The following RIF1 variants were observed in gnomAD, a reference collection of about 807,000 sequenced individuals.
RIF1 encodes telomere-associated protein RIF1.
RIF1 carries 45 observed loss-of-function variants against 247.1 expected under a neutral mutation model. The observed-to-expected ratio is 0.18, with a 90% CI of 0.14 to 0.23. The LOEUF (loss-of-function observed/expected upper bound fraction) is 0.23, where lower values mean the gene tolerates loss of function less well. Ranked by LOEUF, RIF1 falls within the 10% of genes least tolerant of loss-of-function variation. RIF1 has a pLI of 1.00. For synonymous variants in RIF1, 1,087 were observed against 978.8 expected, an observed-to-expected ratio of 1.11 and a Z score of -2.06; for missense variants, 2,967 against 2,862.5, an observed-to-expected ratio of 1.04 and a Z score of -0.83.
At chr2:151,420,755 AT>A (rs1479173563) in intron 7 of RIF1, among the ~76,000 whole-genome samples, 4 of 147,352 alleles carry the variant, frequency 2.7e-5, no homozygotes, top group African/African-American at 7.4e-5. Context: ...AAAAAAAAAA[AT>A]CTGTCTGGGC....
chr2:151,531,086 C>G, the RIF1 span: 2 of 1,608,902 alleles, frequency 1.2e-6, no homozygotes, highest in Non-Finnish European at 1.7e-6. Flanking sequence ...TTGTTGTATT[C>G]CAATTTATAA....
chr2:151,518,703 C>T, the RIF1 span, among the ~76,000 whole-genome samples: 2 of 152,112 alleles, frequency 1.3e-5, no homozygotes, highest in South Asian at 2.1e-4. Flanking sequence ...TTTCTATGTC[C>T]TTAGAGAAAA....
intron 35 of RIF1, among the ~76,000 whole-genome samples, chr2:151,474,348 A>G (rs2048813027): frequency 6.6e-6 from 1 of 152,180 alleles, no homozygotes; most frequent in East Asian, 1.9e-4. Flanking sequence ...AATTTCTTTA[A>G]TAGCACAGAA....
At position 151,436,874 on chromosome 2, in the gene RIF1, A is replaced by T. The variant is rs773584956; in HGVS notation, c.1243A>T (p.Ser415Cys). Residue 415 changes from serine to cysteine, a missense_variant, in exon 12 of 36, where the codon AGT becomes TGT. This residue lies in a region of RIF1 where 369 missense variants were observed against 322.0 expected (regional missense o/e 1.15). Coordinates refer to ENST00000444746, the MANE Select transcript of RIF1 (RefSeq NM_018151.5). Reference protein sequence around the residue: ...GAPGTPRMNLSSNLGGMATIP... With the variant: ...GAPGTPRMNLCSNLGGMATIP... The stretch of plus-strand genomic sequence containing the variant: ...CCCGGGAACTCCCCGAATGAACCTG[A>T]GTTCGAATTTAGGTGGAATGGCCAC... 2 of 1,612,732 alleles carry T rather than the reference A, an allele frequency of 1.2e-6. No homozygotes were observed. Among genetic ancestry groups the T allele is most frequent in the Non-Finnish European group, 1.7e-6 (2 of 1,179,560 alleles).
intron 23 of RIF1, among the ~76,000 whole-genome samples, chr2:151,457,237 C>G (rs1016503762): frequency 6.6e-6 from 1 of 152,162 alleles, no homozygotes; most frequent in Non-Finnish European, 1.5e-5. Flanking sequence ...ATTCTCCCAC[C>G]ATAGCCTCCC....
At position 151,496,227 on chromosome 2, in the gene RIF1, A is replaced by C. The variant is rs773500715; in HGVS notation, c.*513+901A>C. 3 of 1,456,598 alleles carry C rather than the reference A, an allele frequency of 2.1e-6. No individual in the cohort carries two copies. The African/African-American group carries it at 4.2e-5, about 21-fold the overall frequency. The allele number at this position is 1,456,598 out of a possible 1,614,324, so 90.2% of individuals were successfully genotyped here. ...AATATGTATTATTTTAAATCATAAA[A>C]GTAGTTTTTAAAATCAGTAAGTAGT... On this transcript the variant is annotated intron_variant and NMD_transcript_variant, in intron 10 of 13. Transcript: ENST00000454583.
chr2:151,501,829 A>G (rs2064830075), intron 11 of RIF1, among the ~76,000 whole-genome samples: 1 of 151,970 alleles, frequency 6.6e-6, no homozygotes, highest in African/African-American at 2.4e-5. Flanking sequence ...GGAACCAAAG[A>G]AAGAGGAGAG....
At position 151,465,301 on chromosome 2, in the gene RIF1, T is replaced by A. The variant is rs1480438887; in HGVS notation, c.5781T>A (p.Phe1927Leu). ...MELNVGNEASFHGQERTKTGI... is the reference protein window; with the variant it reads ...MELNVGNEASLHGQERTKTGI... ...TGAATGTAGGAAATGAAGCTAGCTTTCATGGACAAGAGAGAACCAAAACTG... is the reference window on the plus strand; with the variant it reads ...TGAATGTAGGAAATGAAGCTAGCTTACATGGACAAGAGAGAACCAAAACTG... Residue 1927 changes from phenylalanine to leucine, a missense_variant, in exon 30 of 36, where the codon TTT (phenylalanine) becomes TTA (leucine). Phe to Leu is a conservative substitution (Grantham distance 22). Transcript: ENST00000444746. 2.5e-6 allele frequency: 4 copies of A among 1,612,748 alleles called. No individual in the cohort carries two copies. The highest frequency in any genetic ancestry group is 3.4e-6 in the Non-Finnish European group (4 of 1,179,724).
In RIF1 at chr2:151,435,598, T is replaced by C. The variant is rs574218704; in HGVS notation, c.1195+18T>C. ...ACACAAAGGTAAGAGGTAGATATTC[T>C]TGTTTTTTGCTTTTTTAATCAGGCT... On this transcript the variant is annotated intron_variant, in intron 11 of 35. Transcript: ENST00000444746. 2 of 1,418,896 alleles carry C rather than the reference T, an allele frequency of 1.4e-6. No homozygotes were observed. The highest frequency in any genetic ancestry group is 1.2e-5 in the South Asian group (1 of 86,188). 87.9% of individuals were successfully genotyped at this position (1,418,896 alleles called of 1,614,324 possible).
chr2:151,464,047 GAACATT>G lies in RIF1; in HGVS notation c.4530_4535del (p.Asn1510_Ile1511del), dbSNP rs1163108842. 1.2e-6 allele frequency: 2 copies of G among 1,612,298 alleles called. No homozygotes were observed. The highest frequency in any genetic ancestry group is 2.7e-5 in the African/African-American group (2 of 74,652). ...AAAATAAAAAAAAGGCAGACCCTGA[GAACATT>G]AAGTCTGAGGGGGATGGTACCCAGG... On this transcript the variant is annotated inframe_deletion, in exon 30 of 36. Transcript: ENST00000444746.
the RIF1 span, chr2:151,513,484 G>C: frequency 2.3e-6 from 2 of 864,392 alleles, no homozygotes; most frequent in African/African-American, 3.4e-5. Flanking sequence ...GTATGCATGT[G>C]ACTGTCACCA....
rs963527026 is a variant in RIF1 at position 151,507,819 on chromosome 2, T to C, written c.*1118T>C. 5.2e-6 allele frequency: 3 copies of C among 573,456 alleles called. No homozygotes were observed. In the African/African-American group the frequency reaches 5.6e-5, roughly 11 times the overall value. The allele number at this position is 573,456 out of a possible 1,614,324, so 35.5% of individuals were successfully genotyped here. A position where few individuals can be genotyped will look rare whatever the true frequency, so the allele number is the denominator to read the frequency against. On this transcript the variant is annotated 3_prime_UTR_variant and NMD_transcript_variant, in exon 14 of 14. Transcript: ENST00000454583. ...AACGAAGTAACAGATGAGTCTTTCA[T>C]GCTGTGATTTGGGATTAAGATACAA... is the stretch of plus-strand genomic sequence containing the variant.
At chr2:151,513,934 T>C in the RIF1 span, among the ~76,000 whole-genome samples, 2 of 152,218 alleles carry the variant, frequency 1.3e-5, no homozygotes, top group African/African-American at 4.8e-5. Context: ...TTGAATACTT[T>C]TAGCATTCTC....
Position 151,494,299 on chromosome 2 carries a change from A to G in RIF1, c.*416-930A>G, listed in dbSNP as rs762044639. The G allele has an allele frequency of 4.6e-6, 6 of 1,297,960 alleles. No homozygotes were observed. In the East Asian group the frequency reaches 1.5e-4, roughly 32 times the overall value. The allele number at this position is 1,297,960 out of a possible 1,614,324, so 80.4% of individuals were successfully genotyped here. A position where few individuals can be genotyped will look rare whatever the true frequency, so the allele number is the denominator to read the frequency against. ...CAAAAAGCCAAAAAGAAAAAGAGTT[A>G]ACAGTTACCAAAAAAGGAAATGGTA... On this transcript the variant is annotated intron_variant and NMD_transcript_variant, in intron 9 of 13. Coordinates refer to the RIF1 transcript ENST00000454583.
chr2:151,534,361 C>T, the RIF1 span: 1 of 1,536,642 alleles, frequency 6.5e-7, no homozygotes, highest in Middle Eastern at 1.7e-4. Context: ...AGTACAACTT[C>T]AAGGCTACAC....
At chr2:151,442,940 T>G (rs1311546630) in intron 16 of RIF1, among the ~76,000 whole-genome samples, 8 of 151,652 alleles carry the variant, frequency 5.3e-5, no homozygotes, top group African/African-American at 1.9e-4. Flanking sequence ...CCCGGCTAGT[T>G]TTTTTGTATT....
At chr2:151,530,776 A>G in the RIF1 span, 1 of 404,502 alleles carries the variant, frequency 2.5e-6, no homozygotes, top group Non-Finnish European at 4.4e-6. Flanking sequence ...TCCTGGCTTG[A>G]CTGAGCCCCA....
chr2:151,427,750 CA>C (rs1689377266), intron 8 of RIF1, among the ~76,000 whole-genome samples: 1 of 149,576 alleles, frequency 6.7e-6, no homozygotes, highest in South Asian at 2.1e-4. Flanking sequence ...GCCAGCATGG[CA>C]AAACCTTGTC....
At chr2:151,527,366 G>A in the RIF1 span, 17 of 885,246 alleles carry the variant, frequency 1.9e-5, no homozygotes, top group African/African-American at 3.4e-5. Context: ...TCTCCTTCTC[G>A]GATCTCAAAC....
Sources: allele counts gnomAD v4.1 joint callset (sites outside exome capture counted in the v4.1 genomes callset), GRCh38; gene constraint gnomAD v4.1.1; regional missense constraint gnomAD v4.1.1; transcripts MANE v1.5; gene names NCBI Gene and HGNC (gene_info 2026-07-23, HGNC 2026-07-21).